ZNF609: variants seen among roughly 807,000 people sequenced by gnomAD.
ZNF609 encodes zinc finger protein 609.
A neutral mutation model predicts 109.5 loss-of-function variants in ZNF609; 11 were observed. The observed-to-expected ratio is 0.10, with a 90% CI of 0.06 to 0.17. The LOEUF is 0.17. Among genes scored for constraint, ZNF609 ranks in the 10% least tolerant of loss-of-function variants. ZNF609 has a pLI of 1.00. For missense variants in ZNF609, 1,559 were observed against 1,772.4 expected (o/e 0.88, Z 2.16); for synonymous variants, 646 against 662.0 (o/e 0.98, Z 0.37).
rs76913998 is a variant in ZNF609, at chr15:64,669,380, T to C, written c.974-966T>C. 5.4e-3 allele frequency among the ~76,000 whole-genome samples: 827 copies of C among 152,344 alleles called. 8 individuals carry two copies. Among genetic ancestry groups the C allele is most frequent in the African/African-American group, 0.019 (793 of 41,574 alleles). On this transcript the variant is annotated intron_variant, in intron 3 of 9. Transcript: ENST00000326648. ...TTCTCTGTCTACACATATGGAATGA[T>C]CCAAAATATTTGGGTACATGAAAAA...
chr15:64,610,491 A>C (rs73453014), intron 2 of ZNF609, among the ~76,000 whole-genome samples: 8,379 of 152,164 alleles, frequency 0.055, 787 homozygotes, highest in African/African-American at 0.19. Flanking sequence ...TTAACAACAA[A>C]AACAACAAAT....
At chr15:64,636,293 A>G (rs557214718) in intron 3 of ZNF609, among the ~76,000 whole-genome samples, 1 of 152,252 alleles carries the variant, frequency 6.6e-6, no homozygotes. Flanking sequence ...TATTTCCTTT[A>G]GTTGCTGCCT....
intron 3 of ZNF609, among the ~76,000 whole-genome samples, chr15:64,665,787 T>A (rs999569277): frequency 6.6e-6 from 1 of 151,982 alleles, no homozygotes; most frequent in Non-Finnish European, 1.5e-5. Flanking sequence ...ATGCCTGTAA[T>A]CCCAGCTACT....
At chr15:64,515,924 G>A (rs1225753967) in intron 2 of ZNF609, among the ~76,000 whole-genome samples, 1 of 149,010 alleles carries the variant, frequency 6.7e-6, no homozygotes, top group Admixed American at 6.7e-5. Flanking sequence ...GGCAGCAAAG[G>A]CGAAACTCCG....
rs529772072 is a variant in ZNF609 at position 64,541,040 on chromosome 15, A to C, written c.747+40874A>C. Among the ~76,000 whole-genome samples the C allele has an allele frequency of 1.8e-4, 27 of 150,244 alleles. No individual in the cohort carries two copies. In the East Asian group the frequency reaches 4.8e-3, roughly 27 times the overall value. On this transcript the variant is annotated intron_variant, in intron 2 of 9. Transcript: ENST00000326648. Reference sequence around the variant, plus strand: ...AAGACTCTGTCTCAAAAAAAAAAAAAAAAAAAACTTTTGTGTCTAACAGCA... The same window carrying C: ...AAGACTCTGTCTCAAAAAAAAAAAACAAAAAAACTTTTGTGTCTAACAGCA...
At chr15:64,580,952 C>CTTTTT (rs1895091546) in intron 2 of ZNF609, among the ~76,000 whole-genome samples, 1 of 80,870 alleles carries the variant, frequency 1.2e-5, no homozygotes, top group African/African-American at 5.1e-5. Context: ...TCTTCAATGT[C>CTTTTT]TTCTTTTTTT....
chr15:64,599,190 TTTTTTTG>T (rs1895453475), intron 2 of ZNF609, among the ~76,000 whole-genome samples: 3 of 147,834 alleles, frequency 2.0e-5, no homozygotes, highest in African/African-American at 7.5e-5. Flanking sequence ...TTTTTTTTTT[TTTTTTTG>T]GTTTTTGAGA....
rs112755021 is a variant in ZNF609 at position 64,577,884 on chromosome 15, A to T, written c.748-44943A>T. Among the ~76,000 whole-genome samples, 1,469 of 151,718 alleles carry T rather than the reference A, an allele frequency of 9.7e-3. 24 individuals are homozygous for T. Among genetic ancestry groups the T allele is most frequent in the African/African-American group, 0.033 (1,385 of 41,376 alleles). ...CAAAAAAAGAAAGCAGGCTTAGTGC[A>T]GTGGCTTATGCCTGTAACCCAACAC... On this transcript the variant is annotated intron_variant, in intron 2 of 9. Transcript: ENST00000326648.
At chr15:64,579,886 C>G (rs1170291449) in intron 2 of ZNF609, among the ~76,000 whole-genome samples, 1 of 152,168 alleles carries the variant, frequency 6.6e-6, no homozygotes, top group African/African-American at 2.4e-5. Flanking sequence ...TTTATACAGT[C>G]TTTTGTATTT....
At position 64,623,038 on chromosome 15, in the gene ZNF609, A is replaced by C. The variant is rs746034961; in HGVS notation, c.959A>C (p.Gln320Pro). ...TSVNLEGIVW[Q>P]ETEDGMLVVN... Reference sequence around the variant, plus strand: ...GTCAACCTTGAAGGCATCGTGTGGCAGGAAACAGAAGATGGTAAGTGTGAT... The same window carrying C: ...GTCAACCTTGAAGGCATCGTGTGGCCGGAAACAGAAGATGGTAAGTGTGAT... Residue 320 changes from glutamine to proline, a missense_variant, in exon 3 of 10, where the codon CAG becomes CCG. Gln to Pro is a moderately conservative substitution (Grantham distance 76). Transcript: ENST00000326648. 6.2e-7 allele frequency: 1 copy of C among 1,614,074 alleles called. No homozygotes were observed. Among genetic ancestry groups the C allele is most frequent in the Non-Finnish European group, 8.5e-7 (1 of 1,179,988 alleles).
chr15:64,562,773 T>C (rs532497968), intron 2 of ZNF609, among the ~76,000 whole-genome samples: 1 of 152,018 alleles, frequency 6.6e-6, no homozygotes, highest in East Asian at 1.9e-4. Flanking sequence ...CATTCATCCC[T>C]AAACAATCAA....
intron 2 of ZNF609, among the ~76,000 whole-genome samples, chr15:64,507,459 C>T (rs756349942): frequency 3.9e-5 from 6 of 152,156 alleles, no homozygotes; most frequent in Non-Finnish European, 7.4e-5. Flanking sequence ...TTGAGTAACC[C>T]GCCTCCAGAG....
At chr15:64,612,853 A>G (rs1895739476) in intron 2 of ZNF609, among the ~76,000 whole-genome samples, 1 of 151,934 alleles carries the variant, frequency 6.6e-6, no homozygotes, top group Admixed American at 6.6e-5. Flanking sequence ...TGTCTCTACT[A>G]AAAATACAAA....
In ZNF609 at chr15:64,684,925, C is replaced by G. The variant is rs1198515623; in HGVS notation, c.*3239C>G. ...CAGTGATCTCCTACCATGGGCCCCC[C>G]TCCTGGGATCAAGCCCCTCCCAGGC... On this transcript the variant is annotated 3_prime_UTR_variant, in exon 10 of 10. Transcript: ENST00000326648. The G allele has an allele frequency of 6.6e-6, 1 of 152,664 alleles. No individual in the cohort carries two copies. The highest frequency in any genetic ancestry group is 6.5e-5 in the Admixed American group (1 of 15,300). 9.5% of individuals were successfully genotyped at this position (152,664 alleles called of 1,614,324 possible). A position where few individuals can be genotyped will look rare whatever the true frequency, so the allele number is the denominator to read the frequency against.
chr15:64,562,658 A>G (rs1894698117), intron 2 of ZNF609, among the ~76,000 whole-genome samples: 1 of 151,954 alleles, frequency 6.6e-6, no homozygotes, highest in Non-Finnish European at 1.5e-5. Context: ...ATAGGAAGGG[A>G]GTTTTACATT....
intron 3 of ZNF609, among the ~76,000 whole-genome samples, chr15:64,644,931 A>G (rs1896307809): frequency 6.6e-6 from 1 of 152,076 alleles, no homozygotes; most frequent in South Asian, 2.1e-4. Context: ...AATGAGCTAT[A>G]TCTTCTCCTA....
chr15:64,607,647 G>A (rs1019851568), intron 2 of ZNF609, among the ~76,000 whole-genome samples: 3 of 151,354 alleles, frequency 2.0e-5, no homozygotes, highest in Non-Finnish European at 4.4e-5. Context: ...TGGAATTACA[G>A]GCATCTGCCA....
At chr15:64,538,529 G>T (rs1446277724) in intron 2 of ZNF609, among the ~76,000 whole-genome samples, 1 of 152,070 alleles carries the variant, frequency 6.6e-6, no homozygotes, top group African/African-American at 2.4e-5. Flanking sequence ...GTGGATTTTT[G>T]TTTGGTTTTA....
At chr15:64,589,631 T>C (rs1430717281) in intron 2 of ZNF609, among the ~76,000 whole-genome samples, 1 of 152,228 alleles carries the variant, frequency 6.6e-6, no homozygotes, top group Non-Finnish European at 1.5e-5. Flanking sequence ...TTATCTCCTA[T>C]TTATCTTCAT....
Sources: gnomAD v4.1 joint callset for allele counts (sites outside exome capture counted in the v4.1 genomes callset) on GRCh38, gnomAD v4.1.1 for gene constraint, MANE v1.5 for transcripts, NCBI Gene and HGNC (gene_info 2026-07-23, HGNC 2026-07-21) for gene names.